BORA: variants seen among roughly 807,000 people sequenced by gnomAD.
BORA encodes BORA aurora kinase A activator, also known as protein aurora borealis.
BORA carries 26 observed loss-of-function variants against 55.8 expected under a neutral mutation model. That is an observed-to-expected ratio of 0.47 (90% CI 0.34 to 0.65). BORA has a LOEUF of 0.65. Among genes scored for constraint, BORA ranks in the 30% least tolerant of loss-of-function variants. The pLI, the probability that BORA is intolerant of heterozygous loss-of-function variation, is 0.01. For synonymous variants in BORA, 201 were observed against 216.9 expected, an observed-to-expected ratio of 0.93 and a Z score of 0.64; for missense variants, 568 against 671.5, an observed-to-expected ratio of 0.85 and a Z score of 1.70.
intron 10 of BORA, among the ~76,000 whole-genome samples, chr13:72,747,402 C>A (rs2033173150): frequency 6.6e-6 from 1 of 152,120 alleles, no homozygotes; most frequent in Non-Finnish European, 1.5e-5. Flanking sequence ...TAGAGTCAGG[C>A]AGGATTCATC....
chr13:72,753,627 C>T lies in BORA; in HGVS notation c.1483-63C>T, dbSNP rs2033342796. The T allele has an allele frequency of 2.0e-6, 3 of 1,504,976 alleles. No individual in the cohort carries two copies. In the East Asian group the frequency reaches 6.8e-5, roughly 34 times the overall value. 93.2% of individuals were successfully genotyped at this position (1,504,976 alleles called of 1,614,324 possible). A position where few individuals can be genotyped will look rare whatever the true frequency, so the allele number is the denominator to read the frequency against. On this transcript the variant is annotated intron_variant, in intron 10 of 11. Transcript: ENST00000390667. ...GTGAATGAGAGTTTATAGTGGTTTA[C>T]TTATTTAAATATTTGACTTTTAAGT...
intron 1 of BORA, chr13:72,728,389 C>A: frequency 1.7e-6 from 1 of 597,462 alleles, no homozygotes; most frequent in Non-Finnish European, 3.0e-6. Context: ...AGTTAATTTC[C>A]TAGCCCCTGT....
intron 10 of BORA, among the ~76,000 whole-genome samples, chr13:72,751,941 G>T (rs1353734054): frequency 6.6e-6 from 1 of 152,118 alleles, no homozygotes; most frequent in Non-Finnish European, 1.5e-5. Flanking sequence ...CAAACAAGGG[G>T]GACTGAGAAT....
chr13:72,748,977 ATATGT>A (rs774406670), intron 10 of BORA, among the ~76,000 whole-genome samples: 4 of 152,170 alleles, frequency 2.6e-5, no homozygotes, highest in Non-Finnish European at 4.4e-5. Flanking sequence ...TTGGGTAAAA[ATATGT>A]TATGTGATAC....
At chr13:72,754,895 G>A (rs917732558) in intron 11 of BORA, 29 of 334,212 alleles carry the variant, frequency 8.7e-5, no homozygotes, top group Non-Finnish European at 1.0e-4. Flanking sequence ...AAAATTTTTG[G>A]TAGAGACAGG....
chr13:72,730,939 G>A (rs73524204), intron 2 of BORA, among the ~76,000 whole-genome samples: 5,325 of 151,444 alleles, frequency 0.035, 172 homozygotes, highest in African/African-American at 0.081. Flanking sequence ...GTGGTGGCGG[G>A]TGCCTGTAAT....
intron 2 of BORA, among the ~76,000 whole-genome samples, chr13:72,731,029 G>T (rs2028419): frequency 0.88 from 134,385 of 152,040 alleles, 61,376 homozygotes; most frequent in Non-Finnish European, 0.99. Flanking sequence ...GATTACACCA[G>T]TGCACTCCAG....
intron 4 of BORA, among the ~76,000 whole-genome samples, chr13:72,736,100 A>G (rs531954422): frequency 2.6e-5 from 4 of 151,584 alleles, no homozygotes; most frequent in Non-Finnish European, 5.9e-5. Flanking sequence ...TTCTTCTTCT[A>G]TCTAGTAACT....
At position 72,727,937 on chromosome 13, in the gene BORA, T is replaced by C. The variant is rs1333476800; in HGVS notation, c.-86T>C. 1.3e-6 allele frequency: 2 copies of C among 1,550,512 alleles called. No individual in the cohort carries two copies. The highest frequency in any genetic ancestry group is 1.4e-5 in the African/African-American group (1 of 73,066). On this transcript the variant is annotated 5_prime_UTR_variant, in exon 1 of 12. Transcript: ENST00000390667. ...AGCGGGGAGTTAAAGAGTCTATGCC[T>C]GTCGTGGAAGCTGGCCTGGCCCCCG...
At chr13:72,728,685 G>A (rs2032741191) in intron 1 of BORA, among the ~76,000 whole-genome samples, 1 of 152,144 alleles carries the variant, frequency 6.6e-6, no homozygotes, top group African/African-American at 2.4e-5. Context: ...ACTTCTCTGA[G>A]CTTAATACTT....
At chr13:72,736,640 A>T (rs1237961358) in intron 4 of BORA, among the ~76,000 whole-genome samples, 2 of 152,168 alleles carry the variant, frequency 1.3e-5, no homozygotes, top group Non-Finnish European at 2.9e-5. Flanking sequence ...TCTGTCACAA[A>T]TAATGCTGCA....
rs1274414379 is a variant in BORA at position 72,748,725 on chromosome 13, ACTTTCTCTCTCTCTCT to A, written c.1482+1617_1482+1632del. On this transcript the variant is annotated intron_variant, in intron 10 of 11. Coordinates refer to ENST00000390667, the MANE Select transcript of BORA (RefSeq NM_024808.5). Reference sequence around the variant, plus strand: ...CTGCTTTTACTCTCTGCCTTTTTTCACTTTCTCTCTCTCTCTCTCTCTCTCTCTCTCTCTTTTTTAT... The same window carrying A: ...CTGCTTTTACTCTCTGCCTTTTTTCACTCTCTCTCTCTCTCTCTTTTTTAT... 1.1e-4 allele frequency among the ~76,000 whole-genome samples: 7 copies of A among 63,600 alleles called. No individual in the cohort carries two copies. In the East Asian group the frequency reaches 1.7e-3, roughly 16 times the overall value. The allele number at this position is 63,600 out of a possible 152,430, so 41.7% of individuals were successfully genotyped here.
chr13:72,755,152 A>G lies in BORA; in HGVS notation c.1616A>G (p.Gln539Arg). 2 of 1,613,704 alleles carry G rather than the reference A, an allele frequency of 1.2e-6. No individual in the cohort carries two copies. The highest frequency in any genetic ancestry group is 1.7e-6 in the Non-Finnish European group (2 of 1,179,798). ...AAGGTATTGTCTTCTTTTTCACAGC[A>G]AGACCACACAACACAGAGGTGTTGG... The part of the protein sequence containing the change: ...ESKSQAFNMK[Q>R]DHTTQRCWMK... The change falls in exon 12 of 12, where the codon CAA (glutamine) becomes CGA (arginine). Residue 539 changes from glutamine to arginine, a missense_variant and splice_region_variant. Coordinates refer to ENST00000390667, the MANE Select transcript of BORA (RefSeq NM_024808.5).
rs1013902295 is a variant in BORA, at chr13:72,756,119, G to A, written c.*903G>A. The A allele has an allele frequency of 1.8e-5, 7 of 395,382 alleles. No homozygotes were observed. Among genetic ancestry groups the A allele is most frequent in the Non-Finnish European group, 3.1e-5 (7 of 224,740 alleles). 24.5% of individuals were successfully genotyped at this position (395,382 alleles called of 1,614,324 possible). A position where few individuals can be genotyped will look rare whatever the true frequency, so the allele number is the denominator to read the frequency against. On this transcript the variant is annotated 3_prime_UTR_variant, in exon 12 of 12. Coordinates refer to ENST00000390667, the MANE Select transcript of BORA (RefSeq NM_024808.5). ...TAACAGTTTGGAAATACTATCTTTG[G>A]AGAATGTATTTTTGTATTTATAAAT...
At position 72,755,179 on chromosome 13, in the gene BORA, T is replaced by C; in HGVS notation, c.1643T>C (p.Met548Thr). 2 of 1,613,842 alleles carry C rather than the reference T, an allele frequency of 1.2e-6. No individual in the cohort carries two copies. The highest frequency in any genetic ancestry group is 1.7e-6 in the Non-Finnish European group (2 of 1,179,870). ...GACCACACAACACAGAGGTGTTGGA[T>C]GAAAACAGCAAGCCCTTTTCAATGC... ...KQDHTTQRCW[M>T]KTASPFQCSS... Residue 548 changes from methionine (M) to threonine (T), a missense_variant, in exon 12 of 12, where the codon ATG (methionine) becomes ACG (threonine). Physicochemically the swap from Met to Thr is moderately conservative, Grantham distance 81. Transcript: ENST00000390667.
chr13:72,746,080 T>C lies in BORA; in HGVS notation c.871+4T>C, dbSNP rs2033134937. ...ATAGGAGAGACTCCACTCTCAGGTA[T>C]GTCTCATAATAAAATACCTAGTTAA... On this transcript the variant is annotated splice_donor_region_variant and intron_variant, in intron 9 of 11. Coordinates refer to ENST00000390667, the MANE Select transcript of BORA (RefSeq NM_024808.5). 1.2e-6 allele frequency: 2 copies of C among 1,601,818 alleles called. No individual in the cohort carries two copies. Among genetic ancestry groups the C allele is most frequent in the African/African-American group, 1.3e-5 (1 of 74,514 alleles).
chr13:72,741,715 T>C (rs2033037481), intron 5 of BORA, among the ~76,000 whole-genome samples: 1 of 151,940 alleles, frequency 6.6e-6, no homozygotes, highest in South Asian at 2.1e-4. Flanking sequence ...AGTTGAAAAG[T>C]GATGTGATAA....
At chr13:72,742,641 T>A (rs2033055078) in intron 5 of BORA, among the ~76,000 whole-genome samples, 1 of 152,022 alleles carries the variant, frequency 6.6e-6, no homozygotes, top group African/African-American at 2.4e-5. Flanking sequence ...AAATTACTAT[T>A]TCAAAGAGAT....
chr13:72,746,260 T>G (rs1202795240), intron 9 of BORA, among the ~76,000 whole-genome samples, 184 bp downstream of exon 9: 1 of 152,248 alleles, frequency 6.6e-6, no homozygotes, highest in Non-Finnish European at 1.5e-5. Context: ...CTCACCAGTT[T>G]GTACTGTAGT....
Sources: allele counts gnomAD v4.1 joint callset (sites outside exome capture counted in the v4.1 genomes callset), GRCh38; gene constraint gnomAD v4.1.1; transcripts MANE v1.5; gene names NCBI Gene and HGNC (gene_info 2026-07-23, HGNC 2026-07-21).